KIRREL3: variants seen among roughly 807,000 people sequenced by gnomAD.
The protein encoded by KIRREL3 is kirre like nephrin family adhesion molecule 3.
Under a neutral mutation model 89.7 loss-of-function variants are expected in KIRREL3, and 36 were observed. That is an observed-to-expected ratio of 0.40 (90% CI 0.31 to 0.53). The LOEUF (loss-of-function observed/expected upper bound fraction) is 0.53, where lower values mean the gene tolerates loss of function less well. KIRREL3 is among the 20% of genes least tolerant of loss of function. The pLI is 0.49. For missense variants in KIRREL3, 864 were observed against 1,056.6 expected (o/e 0.82, Z 2.53); for synonymous variants, 445 against 441.4 (o/e 1.01, Z -0.10).
At position 126,601,200 on chromosome 11, in the gene KIRREL3, A is replaced by T. The variant is rs932029674; in HGVS notation, c.56-38288T>A. ...TAAGGGAGAGAATTTATGTCTCTTC[A>T]TGCTCTTGTTGACAATAATAACTGA... On this transcript the variant is annotated intron_variant, in intron 1 of 16. Coordinates refer to ENST00000525144, the MANE Select transcript of KIRREL3 (RefSeq NM_032531.4). The surrounding 1 kb of genome is among the most constrained non-coding windows in gnomAD (Gnocchi z 5.8). Among the ~76,000 whole-genome samples, 3 of 152,224 alleles carry T rather than the reference A, an allele frequency of 2.0e-5. No individual in the cohort carries two copies. The highest frequency in any genetic ancestry group is 7.2e-5 in the African/African-American group (3 of 41,458).
chr11:126,562,809 G>T lies in KIRREL3; in HGVS notation c.133+26C>A. Reference sequence around the variant, plus strand: ...AGCTTCCTCCCTCCAGATTACTCCCGAGACAATGGGGAGGTTCTCACTGAC... The same window carrying T: ...AGCTTCCTCCCTCCAGATTACTCCCTAGACAATGGGGAGGTTCTCACTGAC... On this transcript the variant is annotated intron_variant, in intron 2 of 16. Transcript: ENST00000525144. This position sits in a 1 kb window ranked among gnomAD's most constrained non-coding sequence, Gnocchi z 4.7. 1 of 1,600,768 alleles carries T rather than the reference G, an allele frequency of 6.2e-7. No individual in the cohort carries two copies. Among genetic ancestry groups the T allele is most frequent in the Non-Finnish European group, 8.6e-7 (1 of 1,167,954 alleles).
chr11:126,529,892 T>C (rs1306807850), intron 2 of KIRREL3, among the ~76,000 whole-genome samples: 2 of 150,260 alleles, frequency 1.3e-5, no homozygotes, highest in African/African-American at 5.0e-5. Flanking sequence ...AATCTTAAAC[T>C]GTTACTGAGT....
intron 1 of KIRREL3, among the ~76,000 whole-genome samples, chr11:126,882,702 T>G (rs1390618969): frequency 1.3e-5 from 2 of 152,216 alleles, no homozygotes; most frequent in East Asian, 3.8e-4. Context: ...CTGCCTAAAG[T>G]GCAGCAAAGA....
intron 1 of KIRREL3, among the ~76,000 whole-genome samples, chr11:126,857,877 G>A (rs888365731): frequency 7.2e-5 from 11 of 152,024 alleles, no homozygotes; most frequent in Admixed American, 7.2e-4. Context: ...AGCTCATGAA[G>A]GATGAGAAAC....
chr11:126,786,162 T>C (rs1950482802), intron 1 of KIRREL3, among the ~76,000 whole-genome samples: 1 of 152,254 alleles, frequency 6.6e-6, no homozygotes, highest in Non-Finnish European at 1.5e-5. Flanking sequence ...ATTAGAATGA[T>C]CATTTATGAG....
intron 1 of KIRREL3, among the ~76,000 whole-genome samples, chr11:126,581,201 A>C (rs1289546906): frequency 1.3e-5 from 2 of 152,016 alleles, no homozygotes; most frequent in African/African-American, 4.8e-5. Flanking sequence ...AGCTGGTCAC[A>C]TTATATTGAA....
At chr11:126,613,067 TGAG>T (rs1457475609) in intron 1 of KIRREL3, among the ~76,000 whole-genome samples, 1 of 152,246 alleles carries the variant, frequency 6.6e-6, no homozygotes, top group Non-Finnish European at 1.5e-5. Context: ...AACTGCTTTC[TGAG>T]GAGTTTTTAT....
At chr11:126,777,707 A>G (rs994920956) in intron 1 of KIRREL3, among the ~76,000 whole-genome samples, 11 of 152,246 alleles carry the variant, frequency 7.2e-5, no homozygotes, top group African/African-American at 2.4e-4. Flanking sequence ...AGATATTTCT[A>G]TCACTGGTTT....
In KIRREL3 at chr11:126,628,316, G is replaced by A. The variant is rs1943878402; in HGVS notation, c.56-65404C>T. The stretch of plus-strand genomic sequence containing the variant: ...AAGGAAAATGAGAACATTCCGGAAG[G>A]AAGCACTCTTCTTTCTCTGGCTGCT... On this transcript the variant is annotated intron_variant, in intron 1 of 16. Transcript: ENST00000525144. This position sits in a 1 kb window ranked among gnomAD's most constrained non-coding sequence, Gnocchi z 5.2. Among the ~76,000 whole-genome samples, 1 of 152,176 alleles carries A rather than the reference G, an allele frequency of 6.6e-6. No homozygotes were observed. The highest frequency in any genetic ancestry group is 2.4e-5 in the African/African-American group (1 of 41,438).
rs778458417 is a variant in KIRREL3, at chr11:126,594,863, G to C, written c.56-31951C>G. ...CTCGATCTTTTCTGTTAGCATTTCC[G>C]CCACGTGCTTCTCAGCGTTTTGCCC... On this transcript the variant is annotated intron_variant, in intron 1 of 16. Transcript: ENST00000525144. The surrounding 1 kb of genome is among the most constrained non-coding windows in gnomAD (Gnocchi z 5.0). Among the ~76,000 whole-genome samples, 1 of 152,194 alleles carries C rather than the reference G, an allele frequency of 6.6e-6. No individual in the cohort carries two copies.
At chr11:126,809,801 C>A (rs866209160) in intron 1 of KIRREL3, among the ~76,000 whole-genome samples, 20 of 152,240 alleles carry the variant, frequency 1.3e-4, no homozygotes, top group South Asian at 2.1e-4. Flanking sequence ...GGATTACAGA[C>A]AAAACCCTCC....
intron 1 of KIRREL3, among the ~76,000 whole-genome samples, chr11:126,646,117 AC>A (rs1036531204): frequency 3.3e-5 from 5 of 150,428 alleles, no homozygotes; most frequent in Non-Finnish European, 5.9e-5. Flanking sequence ...AACCCACCCC[AC>A]CCCCCAAACA....
At position 126,568,892 on chromosome 11, in the gene KIRREL3, G is replaced by A. The variant is rs535348626; in HGVS notation, c.56-5980C>T. On this transcript the variant is annotated intron_variant, in intron 1 of 16. Coordinates refer to ENST00000525144, the MANE Select transcript of KIRREL3 (RefSeq NM_032531.4). This position sits in a 1 kb window ranked among gnomAD's most constrained non-coding sequence, Gnocchi z 4.6. ...CAGAGAGGTGGAGTGAGCTCTCCAG[G>A]GTGATATAATGAGCTATTAGGTTGC... Among the ~76,000 whole-genome samples, 1 of 152,156 alleles carries A rather than the reference G, an allele frequency of 6.6e-6. No individual in the cohort carries two copies. Among genetic ancestry groups the A allele is most frequent in the South Asian group, 2.1e-4 (1 of 4,812 alleles).
intron 1 of KIRREL3, among the ~76,000 whole-genome samples, chr11:126,613,003 G>C (rs1464771954): frequency 6.6e-6 from 1 of 152,206 alleles, no homozygotes; most frequent in Non-Finnish European, 1.5e-5. Context: ...ATACTTAGAA[G>C]TGGGATCACT....
intron 1 of KIRREL3, among the ~76,000 whole-genome samples, chr11:126,853,647 G>A (rs1944411492): frequency 6.6e-6 from 1 of 151,974 alleles, no homozygotes; most frequent in Non-Finnish European, 1.5e-5. Context: ...ATTCACCCAT[G>A]CTCTCTCCAA....
chr11:126,678,548 C>T (rs894748575), intron 1 of KIRREL3, among the ~76,000 whole-genome samples: 2 of 124,396 alleles, frequency 1.6e-5, no homozygotes, highest in East Asian at 2.8e-4. Flanking sequence ...TACAGTGAGC[C>T]GAGATTGTGC....
rs1056322586 is a variant in KIRREL3, at chr11:126,696,300, T to G, written c.56-133388A>C. Among the ~76,000 whole-genome samples the G allele has an allele frequency of 6.6e-6, 1 of 151,768 alleles. No individual in the cohort carries two copies. Among genetic ancestry groups the G allele is most frequent in the African/African-American group, 2.4e-5 (1 of 41,238 alleles). On this transcript the variant is annotated intron_variant, in intron 1 of 16. Transcript: ENST00000525144. This position sits in a 1 kb window ranked among gnomAD's most constrained non-coding sequence, Gnocchi z 4.4. ...AAGCCTGGATGGCCTAGTGCTTCCT[T>G]ATTGCTTAATTAACCCTTCTCCCTT...
rs1940093200 is a variant in KIRREL3 at position 126,561,190 on chromosome 11, C to G, written c.133+1645G>C. ...TCTCCTTCACCTCTGCCTTCCAGCTCTCCAGAGCCAAAGCTGACCCACCTG... is the reference window on the plus strand; with the variant it reads ...TCTCCTTCACCTCTGCCTTCCAGCTGTCCAGAGCCAAAGCTGACCCACCTG... On this transcript the variant is annotated intron_variant, in intron 2 of 16. Transcript: ENST00000525144. This position sits in a 1 kb window ranked among gnomAD's most constrained non-coding sequence, Gnocchi z 4.5. Among the ~76,000 whole-genome samples, 1 of 152,158 alleles carries G rather than the reference C, an allele frequency of 6.6e-6. No individual in the cohort carries two copies. The highest frequency in any genetic ancestry group is 1.5e-5 in the Non-Finnish European group (1 of 68,026).
At chr11:126,450,120 C>T (rs749305215) in intron 7 of KIRREL3, among the ~76,000 whole-genome samples, 1 of 150,704 alleles carries the variant, frequency 6.6e-6, no homozygotes, top group Non-Finnish European at 1.5e-5. Flanking sequence ...CAGAAAGCAA[C>T]GGAGCCTCAC....
Sources: gnomAD v4.1 joint callset for allele counts (sites outside exome capture counted in the v4.1 genomes callset) on GRCh38, gnomAD v4.1.1 for gene constraint, Gnocchi (gnomAD v3.1) non-coding constraint, MANE v1.5 for transcripts, NCBI Gene and HGNC (gene_info 2026-07-23, HGNC 2026-07-21) for gene names.